Variants in RPTOR observed in about 807,000 individuals in gnomAD.
RPTOR encodes the protein regulatory-associated protein of mTOR.
In RPTOR, 21 loss-of-function variants were observed where a neutral mutation model predicts 169.9. The ratio of observed to expected loss-of-function variants is 0.12; its 90% CI spans 0.09 to 0.18. The LOEUF (loss-of-function observed/expected upper bound fraction) is 0.18, where lower values mean the gene tolerates loss of function less well. RPTOR is among the 10% of genes least tolerant of loss of function. The pLI, the probability that RPTOR is intolerant of heterozygous loss-of-function variation, is 1.00. For missense variants in RPTOR, 1,133 were observed against 1,855.9 expected, an observed-to-expected ratio of 0.61 and a Z score of 7.16; for synonymous variants, 732 against 753.2, an observed-to-expected ratio of 0.97 and a Z score of 0.46.
chr17:80,793,149 A>G (rs887948342), intron 7 of RPTOR, among the ~76,000 whole-genome samples: 4 of 152,164 alleles, frequency 2.6e-5, no homozygotes, highest in African/African-American at 9.6e-5. Flanking sequence ...CTGATGTGCT[A>G]CTCAGAAACA....
intron 6 of RPTOR, among the ~76,000 whole-genome samples, chr17:80,760,328 G>A (rs1308874853): frequency 1.0e-5 from 1 of 100,466 alleles, no homozygotes; most frequent in African/African-American, 3.6e-5. Context: ...TTTTGAGACC[G>A]AGTCTCACTG....
chr17:80,786,168 A>AT (rs1452325104), intron 6 of RPTOR, among the ~76,000 whole-genome samples: 3 of 152,190 alleles, frequency 2.0e-5, no homozygotes, highest in Non-Finnish European at 4.4e-5. Context: ...TGCGTGACAC[A>AT]TGTCTGTATG....
intron 3 of RPTOR, among the ~76,000 whole-genome samples, chr17:80,665,107 T>C (rs1021492169): frequency 6.6e-6 from 1 of 152,126 alleles, no homozygotes; most frequent in African/African-American, 2.4e-5. Context: ...TACCTGTTTT[T>C]GCTGTTGTCA....
At chr17:80,876,188 G>A (rs1457857461) in intron 13 of RPTOR, among the ~76,000 whole-genome samples, 33 of 94,530 alleles carry the variant, frequency 3.5e-4, no homozygotes, top group Non-Finnish European at 4.9e-4. Context: ...TGTGTGTGTC[G>A]CCTGCCGTGT....
intron 5 of RPTOR, among the ~76,000 whole-genome samples, chr17:80,748,477 A>G (rs376883753): frequency 3.7e-4 from 8 of 21,390 alleles, no homozygotes; most frequent in Non-Finnish European, 6.3e-4. Context: ...TGTGTTTGGA[A>G]GCCTTGGCGG....
intron 1 of RPTOR, among the ~76,000 whole-genome samples, chr17:80,608,998 C>T (rs868637493): frequency 6.6e-6 from 1 of 152,114 alleles, no homozygotes; most frequent in Non-Finnish European, 1.5e-5. Context: ...GTTACAATGA[C>T]AAGAAGAAGT....
intron 1 of RPTOR, among the ~76,000 whole-genome samples, chr17:80,615,803 A>G (rs894115734): frequency 1.6e-4 from 24 of 151,858 alleles, no homozygotes; most frequent in African/African-American, 5.6e-4. Context: ...CATTAATGTT[A>G]GACGTCATCT....
rs540319503 is a variant in RPTOR, at chr17:80,857,510, C to T, written c.1399-280C>T. ...ACTGAGGGCAGGCAAGGGCCCCAGG[C>T]GCAAGCAGCCTGCGCCTCCACAAGG... On this transcript the variant is annotated intron_variant, in intron 12 of 33. Coordinates refer to ENST00000306801, the MANE Select transcript of RPTOR (RefSeq NM_020761.3). Among the ~76,000 whole-genome samples the T allele has an allele frequency of 4.9e-3, 746 of 152,324 alleles. 7 individuals carry two copies. Among genetic ancestry groups the T allele is most frequent in the African/African-American group, 0.017 (715 of 41,554 alleles).
chr17:80,931,074 C>T (rs141861902), intron 24 of RPTOR, among the ~76,000 whole-genome samples: 5 of 152,304 alleles, frequency 3.3e-5, no homozygotes, highest in East Asian at 1.9e-4. Context: ...CTTGGCTGCA[C>T]GTGCAGAGGG....
intron 28 of RPTOR, among the ~76,000 whole-genome samples, chr17:80,951,591 C>A (rs1486571093): frequency 6.6e-6 from 1 of 152,226 alleles, no homozygotes; most frequent in African/African-American, 2.4e-5. Context: ...ACATGGGAAA[C>A]CTGGGTGTGG....
chr17:80,792,368 G>A lies in RPTOR; in HGVS notation c.890+859G>A, dbSNP rs1598306774. On this transcript the variant is annotated intron_variant, in intron 7 of 33. Transcript: ENST00000306801. ...ACTTCCAAGTTTCTCTTGTAAAAAC[G>A]TGCTTGCCTTGTGTATCAGGGGAAA... Among the ~76,000 whole-genome samples the A allele has an allele frequency of 5.9e-5, 9 of 152,264 alleles. No individual in the cohort carries two copies. In the South Asian group the frequency reaches 1.9e-3, roughly 32 times the overall value.
At chr17:80,910,644 G>A (rs990052348) in intron 21 of RPTOR, among the ~76,000 whole-genome samples, 3 of 152,024 alleles carry the variant, frequency 2.0e-5, no homozygotes, top group African/African-American at 4.8e-5. Flanking sequence ...ATGAGCTATC[G>A]AGTCTCCCCC....
intron 1 of RPTOR, among the ~76,000 whole-genome samples, chr17:80,584,395 C>T (rs2065041478): frequency 1.3e-5 from 2 of 152,046 alleles, no homozygotes; most frequent in Middle Eastern, 3.4e-3. Context: ...TAAGGTGACT[C>T]ATAAATAACT....
Position 80,707,774 on chromosome 17 carries a change from TA to T in RPTOR, c.349-66del. The stretch of plus-strand genomic sequence containing the variant: ...TTAACTGCAAACCCAGAGGAAAGGG[TA>T]GGGGATGAGTTCCAAGCATTCCCTG... On this transcript the variant is annotated intron_variant, in intron 3 of 33. Coordinates refer to ENST00000306801, the MANE Select transcript of RPTOR (RefSeq NM_020761.3). This position sits in a 1 kb window ranked among gnomAD's most constrained non-coding sequence, Gnocchi z 5.0. 1 of 1,476,714 alleles carries T rather than the reference TA, an allele frequency of 6.8e-7. No homozygotes were observed. 91.5% of individuals were successfully genotyped at this position (1,476,714 alleles called of 1,614,324 possible). A position where few individuals can be genotyped will look rare whatever the true frequency, so the allele number is the denominator to read the frequency against.
At chr17:80,833,949 A>G (rs1369077583) in intron 9 of RPTOR, among the ~76,000 whole-genome samples, 1 of 152,274 alleles carries the variant, frequency 6.6e-6, no homozygotes, top group Non-Finnish European at 1.5e-5. Flanking sequence ...AGATCGCACC[A>G]CTGCGCTCCA....
chr17:80,894,575 G>A (rs949636959), intron 20 of RPTOR, among the ~76,000 whole-genome samples: 5 of 152,214 alleles, frequency 3.3e-5, no homozygotes, highest in African/African-American at 7.2e-5. Context: ...GGAATTCACC[G>A]TGTTTTCTTA....
chr17:80,740,120 C>T (rs1038621297), intron 5 of RPTOR, among the ~76,000 whole-genome samples: 1 of 152,200 alleles, frequency 6.6e-6, no homozygotes, highest in Admixed American at 6.5e-5. Context: ...AACAACTTTA[C>T]ACTCTTAAAT....
In RPTOR at chr17:80,562,327, C is replaced by T. The variant is rs569787600; in HGVS notation, c.162+16536C>T. Among the ~76,000 whole-genome samples the T allele has an allele frequency of 1.3e-5, 2 of 152,318 alleles. No homozygotes were observed. Among genetic ancestry groups the T allele is most frequent in the South Asian group, 2.1e-4 (1 of 4,828 alleles). On this transcript the variant is annotated intron_variant, in intron 1 of 33. Coordinates refer to ENST00000306801, the MANE Select transcript of RPTOR (RefSeq NM_020761.3). The surrounding 1 kb of genome is among the most constrained non-coding windows in gnomAD (Gnocchi z 4.4). ...GATATGTTGAAATTGTTGCCTAAAA[C>T]GATCGCTGATCTTGTGCCCCTCAGT... is the stretch of plus-strand genomic sequence containing the variant.
At chr17:80,825,729 T>G (rs2067434992) in intron 9 of RPTOR, among the ~76,000 whole-genome samples, 1 of 152,216 alleles carries the variant, frequency 6.6e-6, no homozygotes, top group African/African-American at 2.4e-5. Context: ...ACACTCCGGC[T>G]TTTCTCCTCT....
Sources: gnomAD v4.1 joint callset for allele counts (sites outside exome capture counted in the v4.1 genomes callset) on GRCh38, gnomAD v4.1.1 for gene constraint, Gnocchi (gnomAD v3.1) non-coding constraint, MANE v1.5 for transcripts, NCBI Gene and HGNC (gene_info 2026-07-23, HGNC 2026-07-21) for gene names.